TRAK1: variants seen among roughly 807,000 people sequenced by gnomAD.
The protein encoded by TRAK1 is trafficking kinesin protein 1.
In TRAK1, 33 loss-of-function variants were observed where a neutral mutation model predicts 92.1. The observed-to-expected ratio is 0.36, with a 90% CI of 0.27 to 0.48. The LOEUF is 0.48. TRAK1 is among the 20% of genes least tolerant of loss of function. The pLI is 0.99. For missense variants in TRAK1, 1,123 were observed against 1,257.9 expected (o/e 0.89, Z 1.62); for synonymous variants, 521 against 517.3 (o/e 1.01, Z -0.10).
At chr3:42,089,400 T>C (rs1704863261), upstream of TRAK1, among the ~76,000 whole-genome samples, 1 of 152,162 alleles carries the variant, frequency 6.6e-6, no homozygotes, top group African/African-American at 2.4e-5. Context: ...AGTTGGCTTT[T>C]AATACAATCA....
intron 1 of TRAK1, among the ~76,000 whole-genome samples, chr3:42,079,004 C>G (rs1199525044): frequency 6.6e-6 from 1 of 152,148 alleles, no homozygotes; most frequent in South Asian, 2.1e-4. Flanking sequence ...CCACAAGGAA[C>G]TGAATTAGAC....
chr3:42,096,113 G>T (rs1705875100), intron 1 of TRAK1, among the ~76,000 whole-genome samples: 1 of 152,174 alleles, frequency 6.6e-6, no homozygotes, highest in African/African-American at 2.4e-5. Context: ...GCCTGAACAG[G>T]CTAGGAAAAC....
intron 2 of TRAK1, among the ~76,000 whole-genome samples, chr3:42,127,270 A>G (rs1710692936): frequency 6.6e-6 from 1 of 151,812 alleles, no homozygotes; most frequent in Non-Finnish European, 1.5e-5. Flanking sequence ...ACCTTTCCTT[A>G]GGAGACCCTC....
intron 1 of TRAK1, among the ~76,000 whole-genome samples, chr3:42,099,129 C>T (rs751461958): frequency 6.6e-6 from 1 of 151,864 alleles, no homozygotes; most frequent in South Asian, 2.1e-4. Flanking sequence ...ATAGGAGGGC[C>T]GTGGAGGTCC....
At chr3:42,088,086 C>T (rs925814297), upstream of TRAK1, among the ~76,000 whole-genome samples, 2 of 152,216 alleles carry the variant, frequency 1.3e-5, no homozygotes, top group Admixed American at 6.5e-5. Context: ...AATTATAGCT[C>T]AATCCAGTTG....
chr3:42,063,336 A>G (rs1360244171), intron 1 of TRAK1, among the ~76,000 whole-genome samples: 3 of 152,222 alleles, frequency 2.0e-5, no homozygotes, highest in Admixed American at 6.5e-5. Context: ...CTGTCAGTAC[A>G]TTCCCCACTG....
At chr3:42,051,831 A>G (rs1040226595) in intron 1 of TRAK1, 2 of 152,200 alleles carry the variant, frequency 1.3e-5, no homozygotes, top group African/African-American at 4.8e-5. Context: ...ATGAAAGACA[A>G]TGGAGGTCTG....
intron 1 of TRAK1, among the ~76,000 whole-genome samples, chr3:42,048,779 G>A (rs1043495431): frequency 4.6e-5 from 7 of 152,138 alleles, no homozygotes; most frequent in Middle Eastern, 3.4e-3. Context: ...GCCCAGGCTG[G>A]TCTTGAGCTC....
At chr3:42,062,958 T>C in intron 1 of TRAK1, among the ~76,000 whole-genome samples, 1 of 152,204 alleles carries the variant, frequency 6.6e-6, no homozygotes, top group Non-Finnish European at 1.5e-5. Flanking sequence ...ATGGATGACA[T>C]TATCCCTGTT....
intron 2 of TRAK1, among the ~76,000 whole-genome samples, chr3:42,145,283 G>C (rs1451530087): frequency 6.6e-6 from 1 of 152,172 alleles, no homozygotes; most frequent in East Asian, 1.9e-4. Context: ...TCAGGAGTTT[G>C]AGACCAGCCT....
intron 2 of TRAK1, among the ~76,000 whole-genome samples, chr3:42,149,955 C>T (rs1039765453): frequency 5.3e-5 from 8 of 152,046 alleles, no homozygotes; most frequent in South Asian, 2.1e-4. Flanking sequence ...GTGTTCACTG[C>T]GCTCTTGCTG....
At chr3:42,190,127 C>T (rs966054668) in intron 6 of TRAK1, among the ~76,000 whole-genome samples, 7 of 152,172 alleles carry the variant, frequency 4.6e-5, no homozygotes, top group Non-Finnish European at 8.8e-5. Flanking sequence ...CCCACTGCCC[C>T]TCTCTAGAAA....
chr3:42,121,017 G>A (rs1175135816), intron 1 of TRAK1, among the ~76,000 whole-genome samples: 1 of 152,168 alleles, frequency 6.6e-6, no homozygotes, highest in Non-Finnish European at 1.5e-5. Context: ...ACCCTCCTAG[G>A]AGCTGGGTAG....
intron 1 of TRAK1, among the ~76,000 whole-genome samples, chr3:42,098,876 G>A (rs1265678532): frequency 6.6e-6 from 1 of 152,098 alleles, no homozygotes; most frequent in African/African-American, 2.4e-5. Flanking sequence ...AAAGTCCCAC[G>A]AGAGTGAGGG....
chr3:42,207,908 G>T (rs535298181), intron 13 of TRAK1, among the ~76,000 whole-genome samples: 189 of 152,262 alleles, frequency 1.2e-3, no homozygotes, highest in Non-Finnish European at 1.7e-3. Flanking sequence ...TCTTTGTTGT[G>T]GGGGCTGTCC....
chr3:42,091,628 C>A (rs1037198184), intron 1 of TRAK1, 68 bp downstream of exon 1: 1 of 1,469,768 alleles, frequency 6.8e-7, no homozygotes, highest in Non-Finnish European at 9.3e-7. Context: ...GGAGAAAAGA[C>A]CACAGGAGAA....
At chr3:42,075,508 A>T (rs906299163) in intron 1 of TRAK1, among the ~76,000 whole-genome samples, 1 of 152,158 alleles carries the variant, frequency 6.6e-6, no homozygotes, top group African/African-American at 2.4e-5. Flanking sequence ...ATGCCCAGTA[A>T]TGGGATTGTT....
rs764350666 is a variant in TRAK1, at chr3:42,202,794, G to A, written c.1744+42G>A. 2 of 1,607,556 alleles carry A rather than the reference G, an allele frequency of 1.2e-6. No homozygotes were observed. The highest frequency in any genetic ancestry group is 1.7e-4 in the Middle Eastern group (1 of 6,042). ...TCGGCCCCTCTCTGTCCTCCTGGGG[G>A]ACTCCCTTTGGTCCCTGATCCACCT... On this transcript the variant is annotated intron_variant, in intron 13 of 15. Coordinates refer to ENST00000327628, the MANE Select transcript of TRAK1 (RefSeq NM_001042646.3). This position sits in a 1 kb window ranked among gnomAD's most constrained non-coding sequence, Gnocchi z 6.1.
At chr3:42,021,025 G>A (rs954850601) in intron 1 of TRAK1, among the ~76,000 whole-genome samples, 1 of 152,148 alleles carries the variant, frequency 6.6e-6, no homozygotes, top group African/African-American at 2.4e-5. Flanking sequence ...TGTCATGTTC[G>A]GAAGTTGGAA....
Sources: allele counts gnomAD v4.1 joint callset (sites outside exome capture counted in the v4.1 genomes callset), GRCh38; gene constraint gnomAD v4.1.1; non-coding constraint Gnocchi (gnomAD v3.1); transcripts MANE v1.5; gene names NCBI Gene and HGNC (gene_info 2026-07-23, HGNC 2026-07-21).